Variants in ZC3H14 observed in about 807,000 individuals in gnomAD.
ZC3H14 encodes the protein zinc finger CCCH domain-containing protein 14.
A neutral mutation model predicts 92.4 loss-of-function variants in ZC3H14; 31 were observed. The observed-to-expected ratio is 0.34, with a 90% CI of 0.25 to 0.45. The LOEUF is 0.45. ZC3H14 is among the 20% of genes least tolerant of loss of function. The pLI is 1.00. For synonymous variants in ZC3H14, 321 were observed against 300.9 expected, an observed-to-expected ratio of 1.07 and a Z score of -0.69; for missense variants, 781 against 897.3, an observed-to-expected ratio of 0.87 and a Z score of 1.66.
intron 1 of ZC3H14, 27 bp downstream of exon 1, chr14:88,563,196 G>C: frequency 1.2e-6 from 2 of 1,600,564 alleles, no homozygotes; most frequent in Non-Finnish European, 1.7e-6. Context: ...TCGGGGGTGG[G>C]AAGCCAGGTC....
At chr14:88,573,949 T>C (rs2080827744) in intron 6 of ZC3H14, among the ~76,000 whole-genome samples, 5 of 152,318 alleles carry the variant, frequency 3.3e-5, no homozygotes, top group Admixed American at 3.3e-4. Context: ...TTATCTGCTG[T>C]TTCTCATGCT....
chr14:88,584,952 A>G (rs1427036601), intron 9 of ZC3H14, among the ~76,000 whole-genome samples: 1 of 152,160 alleles, frequency 6.6e-6, no homozygotes, highest in Non-Finnish European at 1.5e-5. Flanking sequence ...CCATGGTTAA[A>G]AAAAAAAGAA....
intron 10 of ZC3H14, among the ~76,000 whole-genome samples, chr14:88,600,598 CG>C (rs1001177167): frequency 2.0e-5 from 3 of 152,054 alleles, no homozygotes; most frequent in African/African-American, 7.2e-5. Context: ...TGTGCTCCCA[CG>C]CCTGGCTAAT....
At chr14:88,605,199 T>A (rs2085195603) in intron 12 of ZC3H14, among the ~76,000 whole-genome samples, 1 of 152,200 alleles carries the variant, frequency 6.6e-6, no homozygotes, top group South Asian at 2.1e-4. Context: ...GTGTGTAATT[T>A]ATTATAGGAA....
Position 88,620,098 on chromosome 14 carries a change from G to A in ZC3H14, c.*8347G>A, listed in dbSNP as rs2088617196. 1 of 152,202 alleles carries A rather than the reference G, an allele frequency of 6.6e-6. No individual in the cohort carries two copies. The highest frequency in any genetic ancestry group is 2.1e-4 in the South Asian group (1 of 4,828). The allele number at this position is 152,202 out of a possible 1,614,324, so 9.4% of individuals were successfully genotyped here. On this transcript the variant is annotated 3_prime_UTR_variant, in exon 17 of 17. Transcript: ENST00000251038. This position sits in a 1 kb window ranked among gnomAD's most constrained non-coding sequence, Gnocchi z 4.3. ...CGATAGAGACATGTAAAAGCTAAGG[G>A]AAGCCACTGTTACTATTTTATATAT...
intron 12 of ZC3H14, among the ~76,000 whole-genome samples, chr14:88,605,162 G>T (rs1044600151): frequency 6.6e-6 from 1 of 152,052 alleles, no homozygotes; most frequent in Admixed American, 6.5e-5. Context: ...TTTGTACTGG[G>T]TTCTTGTGTA....
intron 9 of ZC3H14, among the ~76,000 whole-genome samples, chr14:88,585,718 T>A (rs528064871): frequency 6.6e-6 from 1 of 152,286 alleles, no homozygotes; most frequent in Admixed American, 6.5e-5. Flanking sequence ...TCGTTACCAG[T>A]GAAATTTTAC....
At position 88,612,943 on chromosome 14, in the gene ZC3H14, A is replaced by G. The variant is rs2087010235; in HGVS notation, c.*1192A>G. The G allele has an allele frequency of 6.6e-6, 1 of 152,240 alleles. No homozygotes were observed. The allele number at this position is 152,240 out of a possible 1,614,324, so 9.4% of individuals were successfully genotyped here. Reference sequence around the variant, plus strand: ...AGTGGATTAATGCAAAAGGGGTAATAAAGACTGCAACATTCTCAGGACCAA... The same window carrying G: ...AGTGGATTAATGCAAAAGGGGTAATGAAGACTGCAACATTCTCAGGACCAA... On this transcript the variant is annotated 3_prime_UTR_variant, in exon 17 of 17. Transcript: ENST00000251038.
At chr14:88,563,769 C>T in intron 2 of ZC3H14, 76 bp downstream of exon 2, 1 of 1,388,006 alleles carries the variant, frequency 7.2e-7, no homozygotes, top group South Asian at 1.2e-5. Context: ...ATGCGTATTT[C>T]TCACCGTACT....
In ZC3H14 at chr14:88,594,758, C is replaced by T. The variant is rs181199219; in HGVS notation, c.1280-1976C>T. The T allele has an allele frequency of 1.9e-6, 3 of 1,614,030 alleles. No homozygotes were observed. The East Asian group carries it at 6.7e-5, about 36-fold the overall frequency. ...ATGTCTTCAAAGTTTCCATCACCAC[C>T]TCTACCAATTTTTCTTCCACCGGAG... On this transcript the variant is annotated intron_variant, in intron 9 of 16. Transcript: ENST00000251038.
Position 88,620,669 on chromosome 14 carries a change from T to G in ZC3H14, c.*8918T>G. ...AATGCTACAGGCCCTGGGGACCTCT[T>G]TTTGAAGGCAAGGCTATGGAAAATT... On this transcript the variant is annotated 3_prime_UTR_variant, in exon 17 of 17. Transcript: ENST00000251038. The surrounding 1 kb of genome is among the most constrained non-coding windows in gnomAD (Gnocchi z 4.3). 1 of 1,246,910 alleles carries G rather than the reference T, an allele frequency of 8.0e-7. No homozygotes were observed. The allele number at this position is 1,246,910 out of a possible 1,614,324, so 77.2% of individuals were successfully genotyped here. A position where few individuals can be genotyped will look rare whatever the true frequency, so the allele number is the denominator to read the frequency against.
rs1220701522 is a variant in ZC3H14 at position 88,618,356 on chromosome 14, C to A, written c.*6605C>A. On this transcript the variant is annotated 3_prime_UTR_variant, in exon 17 of 17. Transcript: ENST00000251038. Reference sequence around the variant, plus strand: ...CCTTTTTCATCAGATTAAAATGGGACAAGAATTCCATTAGGTGAGAGACAA... The same window carrying A: ...CCTTTTTCATCAGATTAAAATGGGAAAAGAATTCCATTAGGTGAGAGACAA... 6.3e-7 allele frequency: 1 copy of A among 1,594,740 alleles called. No homozygotes were observed. The highest frequency in any genetic ancestry group is 8.6e-7 in the Non-Finnish European group (1 of 1,164,302).
chr14:88,571,174 T>C, intron 4 of ZC3H14, 50 bp downstream of exon 4: 1 of 1,494,650 alleles, frequency 6.7e-7, no homozygotes, highest in South Asian at 1.3e-5. Context: ...TGGCATATGA[T>C]TTGTTTCTTT....
intron 9 of ZC3H14, chr14:88,591,393 G>A (rs1393592331): frequency 6.6e-6 from 1 of 152,258 alleles, no homozygotes; most frequent in Non-Finnish European, 1.5e-5. Context: ...AGCCAAGATT[G>A]CGCCACTCCA....
At position 88,602,004 on chromosome 14, in the gene ZC3H14, G is replaced by GT; in HGVS notation, c.1436dup (p.Val480SerfsTer33). The GT allele has an allele frequency of 6.2e-7, 1 of 1,614,154 alleles. No individual in the cohort carries two copies. Among genetic ancestry groups the GT allele is most frequent in the Non-Finnish European group, 8.5e-7 (1 of 1,180,006 alleles). ...GAAGCCAAAGCTGTCTGAGGAAGTA[G>GT]TAGTGGCACCAAACCAAGAGTCGGG... is the stretch of plus-strand genomic sequence containing the variant. On this transcript the variant is annotated frameshift_variant, in exon 11 of 17. Coordinates refer to ENST00000251038, the MANE Select transcript of ZC3H14 (RefSeq NM_024824.5). LOFTEE classifies it high-confidence loss of function.
rs34372433 is a variant in ZC3H14 at position 88,626,616 on chromosome 14, CAA to C, written c.*14879_*14880del. ...CAGGCGACAGAGTGAGATACTGTGT[CAA>C]AAAAAAAAAAAAATCCTTTTCCCCC... On this transcript the variant is annotated 3_prime_UTR_variant, in exon 17 of 17. Transcript: ENST00000251038. 18,419 of 463,298 alleles carry C rather than the reference CAA, an allele frequency of 0.04. No homozygotes were observed. The highest frequency in any genetic ancestry group is 0.063 in the East Asian group (1,652 of 26,048). The allele number at this position is 463,298 out of a possible 1,614,324, so 28.7% of individuals were successfully genotyped here. A position where few individuals can be genotyped will look rare whatever the true frequency, so the allele number is the denominator to read the frequency against.
intron 9 of ZC3H14, chr14:88,591,704 G>A (rs1566944367): frequency 6.6e-6 from 1 of 152,148 alleles, no homozygotes; most frequent in Non-Finnish European, 1.5e-5. Flanking sequence ...CGTCTTCTAG[G>A]CATTTCTTAT....
intron 2 of ZC3H14, among the ~76,000 whole-genome samples, chr14:88,564,748 T>A (rs577353913): frequency 7.9e-5 from 12 of 152,314 alleles, no homozygotes; most frequent in Non-Finnish European, 1.6e-4. Context: ...TTGATGAAGA[T>A]GTGAAGTCCA....
chr14:88,619,061 A>T lies in ZC3H14; in HGVS notation c.*7310A>T, dbSNP rs1014075011. ...TCTCCCAATTCCTTTAAAAACGTCT[A>T]ATGGCTTAAAAAAACTTTCTTAGGC... is the stretch of plus-strand genomic sequence containing the variant. On this transcript the variant is annotated 3_prime_UTR_variant, in exon 17 of 17. Transcript: ENST00000251038. The T allele has an allele frequency of 2.0e-5, 6 of 293,264 alleles. No homozygotes were observed. Among genetic ancestry groups the T allele is most frequent in the African/African-American group, 1.3e-4 (6 of 45,686 alleles). The allele number at this position is 293,264 out of a possible 1,614,324, so 18.2% of individuals were successfully genotyped here. A position where few individuals can be genotyped will look rare whatever the true frequency, so the allele number is the denominator to read the frequency against.
Sources: gnomAD v4.1 joint callset for allele counts (sites outside exome capture counted in the v4.1 genomes callset) on GRCh38, gnomAD v4.1.1 for gene constraint, Gnocchi (gnomAD v3.1) non-coding constraint, MANE v1.5 for transcripts, NCBI Gene and HGNC (gene_info 2026-07-23, HGNC 2026-07-21) for gene names.